PHACTR3: variants seen among roughly 807,000 people sequenced by gnomAD.
PHACTR3 encodes the protein phosphatase and actin regulator 3, also known as protein phosphatase 1, regulatory subunit 123.
In PHACTR3, 16 loss-of-function variants were observed where a neutral mutation model predicts 66.8. The observed-to-expected ratio is 0.24, with a 90% CI of 0.16 to 0.36. PHACTR3 has a LOEUF of 0.36. Among genes scored for constraint, PHACTR3 ranks in the 10% least tolerant of loss-of-function variants. The pLI is 1.00. For synonymous variants in PHACTR3, 323 were observed against 292.1 expected (o/e 1.11, Z -1.08); for missense variants, 647 against 719.9 (o/e 0.90, Z 1.16).
In PHACTR3 at chr20:59,722,587, G is replaced by A. The variant is rs1317758636; in HGVS notation, c.119-20520G>A. The stretch of plus-strand genomic sequence containing the variant: ...GCCCTGGAGGGTTTCAGCACAGGAC[G>A]GCAAGGCCTGCTGTGCATTGCTGGG... On this transcript the variant is annotated intron_variant, in intron 1 of 12. Coordinates refer to ENST00000371015, the MANE Select transcript of PHACTR3 (RefSeq NM_080672.5). Among the ~76,000 whole-genome samples the A allele has an allele frequency of 7.9e-5, 12 of 152,124 alleles. No homozygotes were observed. In the South Asian group the frequency reaches 1.7e-3, roughly 21 times the overall value.
rs74449406 is a variant in PHACTR3, at chr20:59,674,089, C to T, written c.118+68957C>T. Among the ~76,000 whole-genome samples the T allele has an allele frequency of 7.0e-3, 1,070 of 152,098 alleles. 12 individuals carry two copies. Among genetic ancestry groups the T allele is most frequent in the African/African-American group, 0.024 (1,013 of 41,476 alleles). On this transcript the variant is annotated intron_variant, in intron 1 of 12. Transcript: ENST00000371015. The stretch of plus-strand genomic sequence containing the variant: ...TTGTGCTCTGTACCCTGACAAGGGG[C>T]AGGAATCGGGAGCCAGCCTCGGCTG...
chr20:59,612,135 A>G (rs1422901478), intron 1 of PHACTR3, among the ~76,000 whole-genome samples: 1 of 152,140 alleles, frequency 6.6e-6, no homozygotes, highest in Non-Finnish European at 1.5e-5. Context: ...GCAAAAAGAA[A>G]AAGTTTGAAA....
intron 8 of PHACTR3, among the ~76,000 whole-genome samples, chr20:59,822,458 T>G (rs146787866): frequency 2.0e-5 from 3 of 150,480 alleles, no homozygotes; most frequent in Non-Finnish European, 3.0e-5. Context: ...AACATGTGTG[T>G]GGCACATGTG....
chr20:59,744,192 G>A (rs901434140), intron 2 of PHACTR3, among the ~76,000 whole-genome samples: 14 of 152,338 alleles, frequency 9.2e-5, no homozygotes, highest in African/African-American at 1.9e-4. Context: ...CTGCCCCATC[G>A]GAAGGGATGG....
At chr20:59,726,972 G>GTACAGT (rs535867986) in intron 1 of PHACTR3, among the ~76,000 whole-genome samples, 3 of 152,142 alleles carry the variant, frequency 2.0e-5, no homozygotes, top group Non-Finnish European at 4.4e-5. Flanking sequence ...TAACCAAAGA[G>GTACAGT]TACAGTTCAG....
intron 1 of PHACTR3, among the ~76,000 whole-genome samples, chr20:59,664,917 A>C (rs937509745): frequency 6.6e-6 from 1 of 152,208 alleles, no homozygotes; most frequent in Non-Finnish European, 1.5e-5. Flanking sequence ...GGCTGGGTGC[A>C]GGATTCTCCT....
chr20:59,634,546 T>A (rs1214659293), intron 1 of PHACTR3, among the ~76,000 whole-genome samples: 1 of 152,232 alleles, frequency 6.6e-6, no homozygotes, highest in Non-Finnish European at 1.5e-5. Flanking sequence ...GTTGATGAAA[T>A]GCCTGTGGTT....
rs372036046 is a variant in PHACTR3 at position 59,836,501 on chromosome 20, G to A, written c.1329-4G>A. On this transcript the variant is annotated splice_region_variant and splice_polypyrimidine_tract_variant and intron_variant, in intron 8 of 12. Coordinates refer to ENST00000371015, the MANE Select transcript of PHACTR3 (RefSeq NM_080672.5). ...CAAAATGTAATTTTAGTGTTTTTCC[G>A]CAGACGGCTGAGCCAAAGACCTGCC... is the stretch of plus-strand genomic sequence containing the variant. The A allele has an allele frequency of 1.6e-4, 250 of 1,606,952 alleles. No individual in the cohort carries two copies. In the African/African-American group the frequency reaches 2.2e-3, roughly 14 times the overall value.
intron 2 of PHACTR3, among the ~76,000 whole-genome samples, chr20:59,744,107 GC>G (rs1289370666): frequency 6.6e-6 from 1 of 152,202 alleles, no homozygotes; most frequent in Non-Finnish European, 1.5e-5. Flanking sequence ...GCAGAACACG[GC>G]CCCCCAGCAT....
At chr20:59,732,463 GTATT>G (rs1277380761) in intron 1 of PHACTR3, among the ~76,000 whole-genome samples, 2 of 152,186 alleles carry the variant, frequency 1.3e-5, no homozygotes, top group Non-Finnish European at 2.9e-5. Context: ...CTAAAATTAA[GTATT>G]TATTCAATTC....
At chr20:59,694,764 T>C (rs2037234347) in intron 1 of PHACTR3, among the ~76,000 whole-genome samples, 1 of 152,004 alleles carries the variant, frequency 6.6e-6, no homozygotes. Flanking sequence ...GTTGTTCTAG[T>C]TTCAGCTGAT....
intron 6 of PHACTR3, 152 bp from the exon 7 acceptor site, chr20:59,774,091 A>C: frequency 1.1e-6 from 1 of 902,082 alleles, no homozygotes; most frequent in Non-Finnish European, 1.6e-6. Context: ...TCAAATCCTC[A>C]TGCTCCTTCT....
rs552420807 is a variant in PHACTR3 at position 59,771,796 on chromosome 20, C to T, written c.752-1483C>T. 4.7e-4 allele frequency among the ~76,000 whole-genome samples: 72 copies of T among 152,312 alleles called. 1 individual carries two copies. The highest frequency in any genetic ancestry group is 2.6e-4 in the Non-Finnish European group (18 of 68,016). On this transcript the variant is annotated intron_variant, in intron 5 of 12. Coordinates refer to ENST00000371015, the MANE Select transcript of PHACTR3 (RefSeq NM_080672.5). ...AAAGCGAAATAACTAAAGTCCTCCA[C>T]GAGGTTTACAGTTTCCTTTTGGGTT...
At chr20:59,844,972 T>G in intron 11 of PHACTR3, 1 of 395,908 alleles carries the variant, frequency 2.5e-6, no homozygotes, top group Non-Finnish European at 4.7e-6. Context: ...AATAAAATTT[T>G]TACAAAGACT....
At chr20:59,629,256 C>T (rs2034577109) in intron 1 of PHACTR3, among the ~76,000 whole-genome samples, 1 of 152,192 alleles carries the variant, frequency 6.6e-6, no homozygotes, top group African/African-American at 2.4e-5. Context: ...GGGCAGCCTC[C>T]TCCTGGCCCC....
At chr20:59,756,423 T>G (rs2039795570) in intron 4 of PHACTR3, among the ~76,000 whole-genome samples, 1 of 152,202 alleles carries the variant, frequency 6.6e-6, no homozygotes, top group South Asian at 2.1e-4. Context: ...GGGACTTCCT[T>G]CTGCCACACA....
chr20:59,687,085 A>T (rs1219214386), intron 1 of PHACTR3, among the ~76,000 whole-genome samples: 1 of 149,626 alleles, frequency 6.7e-6, no homozygotes. Context: ...GATCATGGTG[A>T]TTGTGATGAT....
chr20:59,819,926 G>A (rs984304397), intron 8 of PHACTR3, among the ~76,000 whole-genome samples: 3 of 152,246 alleles, frequency 2.0e-5, no homozygotes, highest in Non-Finnish European at 2.9e-5. Context: ...TTTGGATTCC[G>A]AGATCCCAAG....
intron 1 of PHACTR3, among the ~76,000 whole-genome samples, chr20:59,723,046 TTC>T: frequency 6.8e-6 from 1 of 146,468 alleles, no homozygotes; most frequent in East Asian, 2.1e-4. Context: ...ATTTCTCTTT[TTC>T]TTTCTTTCTT....
Sources: gnomAD v4.1 joint callset for allele counts (sites outside exome capture counted in the v4.1 genomes callset) on GRCh38, gnomAD v4.1.1 for gene constraint, MANE v1.5 for transcripts, NCBI Gene and HGNC (gene_info 2026-07-23, HGNC 2026-07-21) for gene names.